EXT1: variants seen among roughly 807,000 people sequenced by gnomAD.
EXT1 encodes exostosin glycosyltransferase 1.
In EXT1, 20 loss-of-function variants were observed where a neutral mutation model predicts 82.5. That is an observed-to-expected ratio of 0.24 (90% CI 0.17 to 0.35). The LOEUF is 0.35. EXT1 is among the 10% of genes least tolerant of loss of function. EXT1 has a pLI of 1.00. For synonymous variants in EXT1, 348 were observed against 350.8 expected (o/e 0.99, Z 0.09); for missense variants, 757 against 936.5 (o/e 0.81, Z 2.50).
intron 4 of EXT1, among the ~76,000 whole-genome samples, chr8:117,826,678 C>A (rs2129760746): frequency 6.6e-6 from 1 of 152,118 alleles, no homozygotes; most frequent in South Asian, 2.1e-4. Context: ...ACCTGTCATG[C>A]AACTTGGTTG....
intron 1 of EXT1, among the ~76,000 whole-genome samples, chr8:117,966,602 AT>A (rs1814816579): frequency 6.6e-6 from 1 of 152,154 alleles, no homozygotes; most frequent in Non-Finnish European, 1.5e-5. Flanking sequence ...AGTCTGGCGT[AT>A]CCCCTCTTTC....
intron 8 of EXT1, among the ~76,000 whole-genome samples, chr8:117,810,589 A>T (rs1053171894): frequency 1.3e-5 from 2 of 152,234 alleles, no homozygotes; most frequent in Non-Finnish European, 2.9e-5. Context: ...ACAATCCTAG[A>T]GTGAGACTAA....
In EXT1 at chr8:118,111,082, A is replaced by T. The variant is rs1348601226; in HGVS notation, c.-36T>A. 1 of 1,554,440 alleles carries T rather than the reference A, an allele frequency of 6.4e-7. No homozygotes were observed. The highest frequency in any genetic ancestry group is 1.9e-5 in the Admixed American group (1 of 53,054). On this transcript the variant is annotated 5_prime_UTR_variant, in exon 1 of 11. Coordinates refer to ENST00000378204, the MANE Select transcript of EXT1 (RefSeq NM_000127.3). ...TGGGTCAAGAGGATTGTAAATAAAC[A>T]CAAGAATCACCCAAGTTTCCCAATC...
intron 1 of EXT1, among the ~76,000 whole-genome samples, chr8:118,058,946 TC>T (rs1200974754): frequency 6.6e-6 from 1 of 152,180 alleles, no homozygotes; most frequent in African/African-American, 2.4e-5. Context: ...TCTCTTGTTC[TC>T]CCCTTCTGCT....
chr8:118,004,346 A>G (rs1815732371), intron 1 of EXT1, among the ~76,000 whole-genome samples: 1 of 152,202 alleles, frequency 6.6e-6, no homozygotes, highest in African/African-American at 2.4e-5. Flanking sequence ...TGTGTGTTTT[A>G]CTGTTGCATC....
intron 10 of EXT1, among the ~76,000 whole-genome samples, chr8:117,803,354 A>C (rs1369764985): frequency 2.6e-5 from 4 of 151,730 alleles, no homozygotes; most frequent in Non-Finnish European, 5.9e-5. Context: ...CACCACTATG[A>C]CCAGCTAATT....
chr8:117,796,707 C>T lies in EXT1; in HGVS notation c.*3005G>A, dbSNP rs1433740781. ...AAGTGTGTTGATACGACCAGGTAGGCCCACCTAGCTATGCTATCTTTTGTG... is the reference window on the plus strand; with the variant it reads ...AAGTGTGTTGATACGACCAGGTAGGTCCACCTAGCTATGCTATCTTTTGTG... On this transcript the variant is annotated 3_prime_UTR_variant, in exon 11 of 11. Coordinates refer to ENST00000378204, the MANE Select transcript of EXT1 (RefSeq NM_000127.3). 1.3e-5 allele frequency: 2 copies of T among 152,180 alleles called. No homozygotes were observed. The highest frequency in any genetic ancestry group is 2.1e-4 in the South Asian group (1 of 4,814). 9.4% of individuals were successfully genotyped at this position (152,180 alleles called of 1,614,324 possible).
intron 1 of EXT1, among the ~76,000 whole-genome samples, chr8:118,000,272 CAAA>C (rs1815634600): frequency 6.6e-6 from 1 of 152,206 alleles, no homozygotes; most frequent in Non-Finnish European, 1.5e-5. Context: ...CTCACCTAGA[CAAA>C]ACCTTTGCAG....
intron 1 of EXT1, among the ~76,000 whole-genome samples, chr8:117,869,630 CT>C (rs201716128): frequency 0.092 from 14,018 of 152,236 alleles, 821 homozygotes; most frequent in South Asian, 0.16. Context: ...TAACTTATCA[CT>C]TTATACTATC....
chr8:117,841,100 C>T (rs891999532), intron 1 of EXT1, among the ~76,000 whole-genome samples: 6 of 152,174 alleles, frequency 3.9e-5, no homozygotes, highest in South Asian at 2.1e-4. Flanking sequence ...CTTATTTTCA[C>T]GCAGAAACTT....
At chr8:117,945,981 C>T (rs944558784) in intron 1 of EXT1, among the ~76,000 whole-genome samples, 3 of 152,222 alleles carry the variant, frequency 2.0e-5, no homozygotes, top group Non-Finnish European at 2.9e-5. Flanking sequence ...CAGCTCACTG[C>T]AACCTTCACC....
intron 1 of EXT1, among the ~76,000 whole-genome samples, chr8:118,034,949 A>G (rs909439537): frequency 6.6e-6 from 1 of 152,264 alleles, no homozygotes; most frequent in African/African-American, 2.4e-5. Flanking sequence ...TATTAGGAGC[A>G]AAAGGTGAGT....
chr8:117,984,048 G>A (rs900888047), intron 1 of EXT1, among the ~76,000 whole-genome samples: 1 of 152,234 alleles, frequency 6.6e-6, no homozygotes, highest in Non-Finnish European at 1.5e-5. Flanking sequence ...TAACAAGACA[G>A]AGAACTATCC....
At chr8:117,972,043 A>C (rs1487235951) in intron 1 of EXT1, among the ~76,000 whole-genome samples, 2 of 151,916 alleles carry the variant, frequency 1.3e-5, no homozygotes, top group African/African-American at 4.8e-5. Flanking sequence ...CCAGCTACTC[A>C]GGAGGCTAAG....
intron 1 of EXT1, among the ~76,000 whole-genome samples, chr8:118,022,927 A>C (rs535709807): frequency 6.6e-6 from 1 of 152,168 alleles, no homozygotes; most frequent in African/African-American, 2.4e-5. Flanking sequence ...GTATATTTTA[A>C]TATGTGATAA....
At chr8:117,824,829 T>C (rs770966475) in intron 4 of EXT1, among the ~76,000 whole-genome samples, 3 of 152,066 alleles carry the variant, frequency 2.0e-5, no homozygotes, top group Non-Finnish European at 2.9e-5. Flanking sequence ...ACATTTAGGA[T>C]TGATTATTCT....
intron 1 of EXT1, among the ~76,000 whole-genome samples, chr8:117,858,997 G>C (rs528404258): frequency 6.6e-6 from 1 of 152,280 alleles, no homozygotes; most frequent in East Asian, 1.9e-4. Flanking sequence ...CCAGCAAAAT[G>C]ATTATGGCTC....
chr8:118,098,324 G>T (rs753699978), intron 1 of EXT1, among the ~76,000 whole-genome samples: 3 of 152,010 alleles, frequency 2.0e-5, no homozygotes, highest in Non-Finnish European at 4.4e-5. Context: ...TCCCTCCTGG[G>T]CCCCTCCCTT....
intron 1 of EXT1, among the ~76,000 whole-genome samples, chr8:118,006,977 T>C (rs543455763): frequency 6.6e-6 from 1 of 152,186 alleles, no homozygotes; most frequent in East Asian, 1.9e-4. Flanking sequence ...GTTGTTAGAG[T>C]TGGCAATTAA....
Sources: gnomAD v4.1 joint callset for allele counts (sites outside exome capture counted in the v4.1 genomes callset) on GRCh38, gnomAD v4.1.1 for gene constraint, MANE v1.5 for transcripts, NCBI Gene and HGNC (gene_info 2026-07-23, HGNC 2026-07-21) for gene names.